ARHGAP40: variants seen among roughly 807,000 people sequenced by gnomAD.
ARHGAP40 encodes the protein Rho GTPase activating protein 40.
A neutral mutation model predicts 73.5 loss-of-function variants in ARHGAP40; 43 were observed. The observed-to-expected ratio is 0.58, with a 90% CI of 0.46 to 0.75. ARHGAP40 has a LOEUF of 0.75. ARHGAP40 is among the 30% of genes least tolerant of loss of function. The pLI, the probability that ARHGAP40 is intolerant of heterozygous loss-of-function variation, is 0.00. For synonymous variants in ARHGAP40, 300 were observed against 352.8 expected, an observed-to-expected ratio of 0.85 and a Z score of 1.68; for missense variants, 734 against 861.8, an observed-to-expected ratio of 0.85 and a Z score of 1.86.
At chr20:38,647,176 C>T (rs1463235521) in intron 13 of ARHGAP40, 50 bp downstream of exon 13, 2 of 1,274,352 alleles carry the variant, frequency 1.6e-6, no homozygotes, top group African/African-American at 1.5e-5. Flanking sequence ...AGGGAGGGCT[C>T]TGCACCCCAG....
chr20:38,647,124 A>G (rs767070709), exon 13 of ARHGAP40: 4 of 1,303,868 alleles, frequency 3.1e-6, no homozygotes, highest in Non-Finnish European at 4.0e-6. Flanking sequence ...GCCTCCTTCT[A>G]CAGTAAGAGG....
exon 15 of ARHGAP40, chr20:38,650,362 G>T (rs936746962): frequency 2.3e-5 from 11 of 471,388 alleles, no homozygotes; most frequent in Non-Finnish European, 4.8e-5. Context: ...TTCGAAAGTG[G>T]CCCTACAATG....
intron 1 of ARHGAP40, among the ~76,000 whole-genome samples, chr20:38,617,441 C>A (rs1331275468): frequency 2.0e-5 from 3 of 152,218 alleles, no homozygotes; most frequent in Non-Finnish European, 2.9e-5. Context: ...CCCTTCTCTA[C>A]CCCTGTCTTC....
At chr20:38,635,425 A>T (rs951275948) in intron 6 of ARHGAP40, among the ~76,000 whole-genome samples, 2 of 152,098 alleles carry the variant, frequency 1.3e-5, no homozygotes, top group African/African-American at 2.4e-5. Context: ...ACAATTTGGG[A>T]GGCCGAGGTG....
intron 1 of ARHGAP40, chr20:38,615,438 C>G (rs1601135749): frequency 1.4e-6 from 1 of 714,606 alleles, no homozygotes; most frequent in East Asian, 2.8e-5. Context: ...TGGTAACCAG[C>G]TCCTTCTCAG....
At chr20:38,641,592 C>A (rs2089018675) in intron 9 of ARHGAP40, 134 bp from the exon 10 acceptor site, 3 of 519,146 alleles carry the variant, frequency 5.8e-6, no homozygotes, top group South Asian at 3.7e-5. Flanking sequence ...GGAAATAGTC[C>A]CACACCTTAT....
chr20:38,605,088 A>G (rs992476490), intron 1 of ARHGAP40, among the ~76,000 whole-genome samples: 7 of 152,132 alleles, frequency 4.6e-5, no homozygotes, highest in African/African-American at 7.2e-5. Context: ...CTTGCTTGTG[A>G]GTCATTTAGT....
chr20:38,638,771 G>A, exon 8 of ARHGAP40: 2 of 1,305,466 alleles, frequency 1.5e-6, no homozygotes, highest in Non-Finnish European at 2.0e-6. Flanking sequence ...CTGCTGTCCT[G>A]TTTGGAAAAG....
chr20:38,639,862 A>G (rs991997867), intron 9 of ARHGAP40, among the ~76,000 whole-genome samples: 6 of 152,212 alleles, frequency 3.9e-5, no homozygotes, highest in Admixed American at 3.3e-4. Flanking sequence ...ACTTCTTCAC[A>G]ATCCACAATG....
exon 13 of ARHGAP40, chr20:38,647,057 T>C: frequency 7.7e-7 from 1 of 1,305,360 alleles, no homozygotes; most frequent in East Asian, 5.6e-5. Context: ...CTGAGGCAGT[T>C]CACAGAGCAC....
chr20:38,604,956 G>A (rs866685184), intron 1 of ARHGAP40, among the ~76,000 whole-genome samples: 10 of 150,264 alleles, frequency 6.7e-5, no homozygotes, highest in South Asian at 2.1e-4. Context: ...AAAAAAAAGC[G>A]AAAACTACTT....
At chr20:38,628,555 C>T (rs1020873112) in intron 3 of ARHGAP40, among the ~76,000 whole-genome samples, 2 of 152,198 alleles carry the variant, frequency 1.3e-5, no homozygotes, top group Admixed American at 6.5e-5. Context: ...CCACCAGCCT[C>T]GGCCTCCCAA....
intron 8 of ARHGAP40, 124 bp downstream of exon 8, chr20:38,638,962 G>A (rs996930409): frequency 2.2e-5 from 20 of 926,968 alleles, no homozygotes; most frequent in East Asian, 1.3e-4. Flanking sequence ...TGTGTGGGTC[G>A]AGGGTTTGAG....
chr20:38,644,494 T>C (rs2089039501), intron 11 of ARHGAP40, among the ~76,000 whole-genome samples: 1 of 152,154 alleles, frequency 6.6e-6, no homozygotes, highest in African/African-American at 2.4e-5. Context: ...CACCTAGCGA[T>C]GCGTAGCCTC....
At chr20:38,627,706 T>C (rs2088911654) in intron 3 of ARHGAP40, among the ~76,000 whole-genome samples, 1 of 151,276 alleles carries the variant, frequency 6.6e-6, no homozygotes, top group Non-Finnish European at 1.5e-5. Flanking sequence ...GGTGTGTGTG[T>C]ATTCAGAGTG....
At chr20:38,643,961 C>T (rs1160055722) in intron 11 of ARHGAP40, 51 bp downstream of exon 11, 1 of 1,243,082 alleles carries the variant, frequency 8.0e-7, no homozygotes, top group African/African-American at 1.6e-5. Context: ...TGCCGTGCCG[C>T]CCCTGCTCTC....
intron 5 of ARHGAP40, among the ~76,000 whole-genome samples, chr20:38,633,852 T>C (rs1031869444): frequency 3.3e-5 from 5 of 152,166 alleles, no homozygotes; most frequent in African/African-American, 1.2e-4. Flanking sequence ...GCCGGTGGCA[T>C]GGCCAAGGCT....
At chr20:38,605,197 T>C (rs1238841773) in intron 1 of ARHGAP40, among the ~76,000 whole-genome samples, 1 of 152,210 alleles carries the variant, frequency 6.6e-6, no homozygotes, top group East Asian at 1.9e-4. Context: ...GGCTGGCTTG[T>C]TGTAGGTGTT....
intron 4 of ARHGAP40, 133 bp from the exon 5 acceptor site, chr20:38,629,369 G>T (rs2088922933): frequency 1.1e-6 from 1 of 937,526 alleles, no homozygotes; most frequent in Admixed American, 3.4e-5. Flanking sequence ...CTAATGATTT[G>T]ATCCTGGGGC....
Sources: gnomAD v4.1 joint callset for allele counts (sites outside exome capture counted in the v4.1 genomes callset) on GRCh38, gnomAD v4.1.1 for gene constraint, MANE v1.5 for transcripts, NCBI Gene and HGNC (gene_info 2026-07-23, HGNC 2026-07-21) for gene names.